SOCS4: variants seen among roughly 807,000 people sequenced by gnomAD.
The protein encoded by SOCS4 is suppressor of cytokine signaling 4, also known as SH2 domain containing SOCS box protein.
In SOCS4, 20 loss-of-function variants were observed where a neutral mutation model predicts 34.1. The ratio of observed to expected loss-of-function variants is 0.59; its 90% CI spans 0.41 to 0.85. SOCS4 has a LOEUF of 0.85. SOCS4 is among the 40% of genes least tolerant of loss of function. The probability of loss-of-function intolerance (pLI) is 0.00; values close to 1 mark genes in which losing one functional copy is unlikely to be tolerated. For synonymous variants in SOCS4, 180 were observed against 186.4 expected (o/e 0.97, Z 0.28); for missense variants, 479 against 532.4 (o/e 0.90, Z 0.99).
chr14:55,034,281 G>A (rs1185000171), intron 2 of SOCS4, among the ~76,000 whole-genome samples: 1 of 152,148 alleles, frequency 6.6e-6, no homozygotes, highest in East Asian at 1.9e-4. Flanking sequence ...ATGCATGATG[G>A]TAACATTATC....
chr14:55,033,172 A>G (rs964226296), intron 2 of SOCS4, among the ~76,000 whole-genome samples: 1 of 152,046 alleles, frequency 6.6e-6, no homozygotes, highest in Admixed American at 6.5e-5. Context: ...TTTTTTTTAC[A>G]TTCAGATTTT....
Position 55,047,713 on chromosome 14 carries a change from T to A in SOCS4, c.*3349T>A, listed in dbSNP as rs1295586337. The A allele has an allele frequency of 1.2e-5, 2 of 167,080 alleles. No individual in the cohort carries two copies. Among genetic ancestry groups the A allele is most frequent in the African/African-American group, 4.8e-5 (2 of 41,458 alleles). The allele number at this position is 167,080 out of a possible 1,614,324, so 10.3% of individuals were successfully genotyped here. On this transcript the variant is annotated 3_prime_UTR_variant, in exon 3 of 3. Coordinates refer to ENST00000555846, the MANE Select transcript of SOCS4 (RefSeq NM_199421.2). Reference sequence around the variant, plus strand: ...GTCTCAGTAATTAGAAATCCCTTAATAAGTAGAACAAATGTGGCAAGTAGG... The same window carrying A: ...GTCTCAGTAATTAGAAATCCCTTAAAAAGTAGAACAAATGTGGCAAGTAGG...
chr14:55,044,571 A>G lies in SOCS4; in HGVS notation c.*207A>G, dbSNP rs1215820647. On this transcript the variant is annotated 3_prime_UTR_variant, in exon 3 of 3. Coordinates refer to ENST00000555846, the MANE Select transcript of SOCS4 (RefSeq NM_199421.2). ...CGAGCTTAAATAGATATTTTTAACCAGGTGTTTGGTTTTTGTTTTTACCGT... is the reference window on the plus strand; with the variant it reads ...CGAGCTTAAATAGATATTTTTAACCGGGTGTTTGGTTTTTGTTTTTACCGT... 7.2e-6 allele frequency: 2 copies of G among 276,732 alleles called. No individual in the cohort carries two copies. Among genetic ancestry groups the G allele is most frequent in the Non-Finnish European group, 1.4e-5 (2 of 143,700 alleles). 17.1% of individuals were successfully genotyped at this position (276,732 alleles called of 1,614,324 possible). A position where few individuals can be genotyped will look rare whatever the true frequency, so the allele number is the denominator to read the frequency against.
At chr14:55,032,432 G>A (rs1566753027) in intron 2 of SOCS4, among the ~76,000 whole-genome samples, 1 of 152,046 alleles carries the variant, frequency 6.6e-6, no homozygotes, top group Non-Finnish European at 1.5e-5. Flanking sequence ...TAGAACCTGG[G>A]ACCAAATAGT....
At chr14:55,032,194 C>A (rs371242777) in intron 2 of SOCS4, among the ~76,000 whole-genome samples, 1 of 152,062 alleles carries the variant, frequency 6.6e-6, no homozygotes, top group Non-Finnish European at 1.5e-5. Context: ...GAATAATTAA[C>A]GTATGCAATA....
chr14:55,046,095 A>T lies in SOCS4; in HGVS notation c.*1731A>T, dbSNP rs1265643564. ...AATGAGATGTAGCTACAAAAATGGC[A>T]CCTCTTAGCAGTGATGAGGCTCAGG... On this transcript the variant is annotated 3_prime_UTR_variant, in exon 3 of 3. Coordinates refer to ENST00000555846, the MANE Select transcript of SOCS4 (RefSeq NM_199421.2). The T allele has an allele frequency of 1.2e-5, 2 of 166,012 alleles. No individual in the cohort carries two copies. Among genetic ancestry groups the T allele is most frequent in the Admixed American group, 1.3e-4 (2 of 15,266 alleles). 10.3% of individuals were successfully genotyped at this position (166,012 alleles called of 1,614,324 possible). A position where few individuals can be genotyped will look rare whatever the true frequency, so the allele number is the denominator to read the frequency against.
intron 1 of SOCS4, among the ~76,000 whole-genome samples, chr14:55,029,493 A>G (rs1397302895): frequency 6.6e-6 from 1 of 152,186 alleles, no homozygotes; most frequent in South Asian, 2.1e-4. Context: ...TTTTGCTCCC[A>G]AGGACAATTG....
In SOCS4 at chr14:55,043,839, G is replaced by A. The variant is rs1372394796; in HGVS notation, c.798G>A (p.Thr266=). The A allele has an allele frequency of 1.1e-5, 17 of 1,613,992 alleles. No individual in the cohort carries two copies. Among genetic ancestry groups the A allele is most frequent in the East Asian group, 2.2e-5 (1 of 44,894 alleles). ...LQLETPPKYH[T]QIDYVHCLVP... is the part of the protein sequence containing the mutation. The stretch of plus-strand genomic sequence containing the variant: ...TGGAAACACCTCCTAAATACCACAC[G>A]CAGATTGATTATGTCCACTGTCTTG... Residue 266 remains threonine (T), a synonymous_variant, in exon 3 of 3, where the codon ACG becomes ACA. Coordinates refer to ENST00000555846, the MANE Select transcript of SOCS4 (RefSeq NM_199421.2).
rs2042673916 is a variant in SOCS4, at chr14:55,046,097, C to CTCTT, written c.*1734_*1737dup. ...TGAGATGTAGCTACAAAAATGGCAC[C>CTCTT]TCTTAGCAGTGATGAGGCTCAGGAT... On this transcript the variant is annotated 3_prime_UTR_variant, in exon 3 of 3. Transcript: ENST00000555846. 1 of 165,956 alleles carries CTCTT rather than the reference C, an allele frequency of 6.0e-6. No individual in the cohort carries two copies. The highest frequency in any genetic ancestry group is 2.4e-5 in the African/African-American group (1 of 41,390). 10.3% of individuals were successfully genotyped at this position (165,956 alleles called of 1,614,324 possible).
At chr14:55,033,585 T>C (rs2042547298) in intron 2 of SOCS4, among the ~76,000 whole-genome samples, 2 of 152,244 alleles carry the variant, frequency 1.3e-5, no homozygotes, top group Non-Finnish European at 2.9e-5. Context: ...TTAAAAAATA[T>C]ATCTATCTGC....
intron 2 of SOCS4, among the ~76,000 whole-genome samples, chr14:55,041,783 CTTTTTTTTTTTTTTTTTTT>C: frequency 2.5e-5 from 1 of 40,080 alleles, no homozygotes; most frequent in Non-Finnish European, 4.8e-5. Context: ...AACCCTTAAT[CTTTTTTTTTTTTTTTTTTT>C]TTTTTTTGAG....
chr14:55,032,562 C>T (rs1315141859), intron 2 of SOCS4, among the ~76,000 whole-genome samples: 1 of 152,038 alleles, frequency 6.6e-6, no homozygotes, highest in Non-Finnish European at 1.5e-5. Context: ...TTCTGTACTC[C>T]CCAGGGCAAT....
chr14:55,044,263 G>C lies in SOCS4; in HGVS notation c.1222G>C (p.Ala408Pro). ...CNCTTYDGID[A>P]LPIPSSMKLY... is the part of the protein sequence containing the mutation. ...CTGTACAACTTATGATGGCATCGATGCCCTTCCAATTCCTTCTTCTATGAA... is the reference window on the plus strand; with the variant it reads ...CTGTACAACTTATGATGGCATCGATCCCCTTCCAATTCCTTCTTCTATGAA... Residue 408 changes from alanine (A) to proline (P), a missense_variant, in exon 3 of 3, where the codon GCC (alanine) becomes CCC (proline). Physicochemically the swap from Ala to Pro is conservative, Grantham distance 27 (BLOSUM62 -1). Coordinates refer to ENST00000555846, the MANE Select transcript of SOCS4 (RefSeq NM_199421.2). 1 of 1,613,986 alleles carries C rather than the reference G, an allele frequency of 6.2e-7. No individual in the cohort carries two copies. Among genetic ancestry groups the C allele is most frequent in the African/African-American group, 1.3e-5 (1 of 75,006 alleles).
chr14:55,036,154 A>G (rs947984150), intron 2 of SOCS4, among the ~76,000 whole-genome samples: 74 of 152,184 alleles, frequency 4.9e-4, no homozygotes, highest in Non-Finnish European at 5.0e-4. Flanking sequence ...GATTATGGAT[A>G]TATTTACTTT....
chr14:55,038,529 G>A (rs2042592248), intron 2 of SOCS4, among the ~76,000 whole-genome samples: 1 of 152,144 alleles, frequency 6.6e-6, no homozygotes, highest in Admixed American at 6.5e-5. Context: ...CTGTTAGGGA[G>A]GTATAAATCT....
chr14:55,030,381 T>C (rs1289523559), intron 1 of SOCS4, among the ~76,000 whole-genome samples: 2 of 152,116 alleles, frequency 1.3e-5, no homozygotes, highest in Non-Finnish European at 2.9e-5. Context: ...AAAAATAATA[T>C]ATTTAACATC....
chr14:55,035,474 G>A (rs1291216413), intron 2 of SOCS4, among the ~76,000 whole-genome samples: 1 of 152,112 alleles, frequency 6.6e-6, no homozygotes, highest in African/African-American at 2.4e-5. Flanking sequence ...TTTTCCTCCT[G>A]AAAATTATAT....
In SOCS4 at chr14:55,047,710, T is replaced by C. The variant is rs1391767489; in HGVS notation, c.*3346T>C. On this transcript the variant is annotated 3_prime_UTR_variant, in exon 3 of 3. Coordinates refer to ENST00000555846, the MANE Select transcript of SOCS4 (RefSeq NM_199421.2). ...AATGTCTCAGTAATTAGAAATCCCT[T>C]AATAAGTAGAACAAATGTGGCAAGT... 1.2e-5 allele frequency: 2 copies of C among 167,084 alleles called. No individual in the cohort carries two copies. The highest frequency in any genetic ancestry group is 4.8e-5 in the African/African-American group (2 of 41,454). The allele number at this position is 167,084 out of a possible 1,614,324, so 10.4% of individuals were successfully genotyped here.
At chr14:55,039,912 AAAAG>A (rs1362573217) in intron 2 of SOCS4, among the ~76,000 whole-genome samples, 1 of 152,186 alleles carries the variant, frequency 6.6e-6, no homozygotes, top group Non-Finnish European at 1.5e-5. Context: ...GAAAAAGAAA[AAAAG>A]AACACAGCTA....
Sources: allele counts gnomAD v4.1 joint callset (sites outside exome capture counted in the v4.1 genomes callset), GRCh38; gene constraint gnomAD v4.1.1; transcripts MANE v1.5; gene names NCBI Gene and HGNC (gene_info 2026-07-23, HGNC 2026-07-21).